Variants in APBB2 observed in about 807,000 individuals in gnomAD.
APBB2 encodes the protein amyloid beta precursor protein binding family B member 2.
Under a neutral mutation model 82.5 loss-of-function variants are expected in APBB2, and 38 were observed. The ratio of observed to expected loss-of-function variants is 0.46; its 90% CI spans 0.36 to 0.60. The LOEUF is 0.60. APBB2 is among the 20% of genes least tolerant of loss of function. APBB2 has a pLI of 0.00. For missense variants in APBB2, 772 were observed against 972.3 expected (o/e 0.79, Z 2.74); for synonymous variants, 341 against 368.2 (o/e 0.93, Z 0.85).
chr4:41,037,226 T>C (rs1270152323), intron 4 of APBB2, among the ~76,000 whole-genome samples: 1 of 152,206 alleles, frequency 6.6e-6, no homozygotes, highest in African/African-American at 2.4e-5. Context: ...GTATTTCCAA[T>C]GAATATTGCA....
At chr4:40,871,136 AC>A (rs1224084320) in intron 12 of APBB2, among the ~76,000 whole-genome samples, 1 of 151,270 alleles carries the variant, frequency 6.6e-6, no homozygotes, top group Non-Finnish European at 1.5e-5. Flanking sequence ...AGACCCTACT[AC>A]CCCGCACCCG....
intron 12 of APBB2, among the ~76,000 whole-genome samples, chr4:40,870,559 A>T (rs759611196): frequency 6.6e-6 from 1 of 152,138 alleles, no homozygotes; most frequent in Admixed American, 6.5e-5. Flanking sequence ...TAGAGGAGAG[A>T]CAGCTGGGTG....
intron 6 of APBB2, among the ~76,000 whole-genome samples, chr4:41,000,105 G>GTGTGTGTGTGTGTA (rs10694468): frequency 0.037 from 5,044 of 134,816 alleles, 248 homozygotes; most frequent in East Asian, 0.064. Flanking sequence ...GTGTGTGTGT[G>GTGTGTGTGTGTGTA]TATAAATTAG....
At chr4:41,078,136 A>T (rs1736286850) in intron 3 of APBB2, among the ~76,000 whole-genome samples, 1 of 152,240 alleles carries the variant, frequency 6.6e-6, no homozygotes, top group Admixed American at 6.5e-5. Context: ...CAGGTATTTA[A>T]GGGAGGAAGA....
At chr4:41,201,035 T>C (rs1343746026) in intron 1 of APBB2, among the ~76,000 whole-genome samples, 2 of 152,232 alleles carry the variant, frequency 1.3e-5, no homozygotes, top group Non-Finnish European at 2.9e-5. Context: ...TAACAGTATC[T>C]ACCTCTTAGA....
At chr4:40,943,480 G>A (rs139316757) in intron 7 of APBB2, among the ~76,000 whole-genome samples, 32 of 152,302 alleles carry the variant, frequency 2.1e-4, no homozygotes, top group African/African-American at 6.3e-4. Flanking sequence ...GATCCTGGCC[G>A]GCTCAGCTTC....
At chr4:40,836,545 G>A (rs1008447758) in intron 12 of APBB2, among the ~76,000 whole-genome samples, 2 of 152,194 alleles carry the variant, frequency 1.3e-5, no homozygotes, top group African/African-American at 4.8e-5. Context: ...GGGGAAGAAA[G>A]ACATTTAGAG....
intron 10 of APBB2, among the ~76,000 whole-genome samples, chr4:40,913,980 A>T (rs1433533126): frequency 1.3e-5 from 2 of 152,142 alleles, no homozygotes; most frequent in African/African-American, 2.4e-5. Flanking sequence ...TCATGCCTGT[A>T]ATCTCAGCAC....
chr4:40,896,225 C>A (rs781442446), intron 10 of APBB2, among the ~76,000 whole-genome samples: 17 of 152,142 alleles, frequency 1.1e-4, no homozygotes, highest in Non-Finnish European at 2.1e-4. Context: ...CCACCGTGCC[C>A]GGCTAATGTT....
chr4:40,820,351 T>A (rs1747422726), intron 17 of APBB2, among the ~76,000 whole-genome samples: 1 of 152,136 alleles, frequency 6.6e-6, no homozygotes, highest in African/African-American at 2.4e-5. Context: ...GTCTTCTTTT[T>A]TTGCTGGATA....
At chr4:40,987,492 A>C (rs924377960) in intron 6 of APBB2, among the ~76,000 whole-genome samples, 1 of 152,216 alleles carries the variant, frequency 6.6e-6, no homozygotes, top group Non-Finnish European at 1.5e-5. Flanking sequence ...AAAGGATAAG[A>C]TGGTCTATTT....
intron 2 of APBB2, among the ~76,000 whole-genome samples, chr4:41,123,199 C>CA (rs1389160948): frequency 6.6e-6 from 1 of 151,894 alleles, no homozygotes; most frequent in African/African-American, 2.4e-5. Flanking sequence ...GTAGGGTCCC[C>CA]AAGGAGGGGC....
At chr4:40,972,070 A>G (rs899094915) in intron 6 of APBB2, among the ~76,000 whole-genome samples, 1 of 152,242 alleles carries the variant, frequency 6.6e-6, no homozygotes, top group Admixed American at 6.5e-5. Flanking sequence ...ATCCACACTT[A>G]GATAAATTAT....
chr4:40,882,983 G>C (rs1406175816), intron 12 of APBB2, among the ~76,000 whole-genome samples: 1 of 152,172 alleles, frequency 6.6e-6, no homozygotes, highest in East Asian at 1.9e-4. Context: ...GCAAGTTCCA[G>C]GTGTGTTTAA....
rs371607683 is a variant in APBB2, at chr4:40,960,446, G to GTTTTTTTTTTTTTTTTTTT, written c.836-15374_836-15373insAAAAAAAAAAAAAAAAAAA. On this transcript the variant is annotated intron_variant, in intron 6 of 17. Transcript: ENST00000508593. Reference sequence around the variant, plus strand: ...CATCAAAAACAGAAATTTTTTTTCGGGTTTTTTTTTTTTTTTTTTGAGACG... The same window carrying GTTTTTTTTTTTTTTTTTTT: ...CATCAAAAACAGAAATTTTTTTTCGGTTTTTTTTTTTTTTTTTTTGTTTTTTTTTTTTTTTTTTGAGACG... 1.7e-5 allele frequency among the ~76,000 whole-genome samples: 2 copies of GTTTTTTTTTTTTTTTTTTT among 120,544 alleles called. 1 individual carries two copies. 79.1% of individuals were successfully genotyped at this position (120,544 alleles called of 152,430 possible). A position where few individuals can be genotyped will look rare whatever the true frequency, so the allele number is the denominator to read the frequency against.
intron 6 of APBB2, among the ~76,000 whole-genome samples, chr4:40,949,552 C>T (rs1308750393): frequency 6.6e-6 from 1 of 152,000 alleles, no homozygotes; most frequent in Non-Finnish European, 1.5e-5. Context: ...GCTTAATGGC[C>T]GCCCTCCGAT....
At chr4:40,947,756 G>T (rs754325416) in intron 6 of APBB2, among the ~76,000 whole-genome samples, 1 of 152,122 alleles carries the variant, frequency 6.6e-6, no homozygotes, top group African/African-American at 2.4e-5. Flanking sequence ...TTGGTTTAAG[G>T]GATTTAAGCC....
intron 1 of APBB2, among the ~76,000 whole-genome samples, chr4:41,159,687 A>G (rs1254492937): frequency 6.6e-6 from 1 of 152,102 alleles, no homozygotes; most frequent in African/African-American, 2.4e-5. Flanking sequence ...CATGAGCTAT[A>G]AAGTGCCTCT....
intron 6 of APBB2, among the ~76,000 whole-genome samples, chr4:40,948,753 C>T (rs1326265988): frequency 7.8e-6 from 1 of 127,444 alleles, no homozygotes; most frequent in African/African-American, 3.2e-5. Context: ...GAGTGAGACT[C>T]CCATCTTAAA....
Sources: gnomAD v4.1 joint callset for allele counts (sites outside exome capture counted in the v4.1 genomes callset) on GRCh38, gnomAD v4.1.1 for gene constraint, MANE v1.5 for transcripts, NCBI Gene and HGNC (gene_info 2026-07-23, HGNC 2026-07-21) for gene names.